The following TOGARAM1 variants were observed in gnomAD, a reference collection of about 807,000 sequenced individuals.
TOGARAM1 encodes TOG array regulator of axonemal microtubules 1, also known as TOG array regulator of axonemal microtubules protein 1.
A neutral mutation model predicts 166.6 loss-of-function variants in TOGARAM1; 100 were observed. That is an observed-to-expected ratio of 0.60 (90% CI 0.51 to 0.71). The LOEUF (loss-of-function observed/expected upper bound fraction) is 0.71. Ranked by LOEUF, TOGARAM1 falls within the 30% of genes least tolerant of loss-of-function variation. The pLI is 0.00. For synonymous variants in TOGARAM1, 758 were observed against 763.8 expected, an observed-to-expected ratio of 0.99 and a Z score of 0.13; for missense variants, 2,029 against 2,102.7, an observed-to-expected ratio of 0.96 and a Z score of 0.69.
chr14:45,012,763 A>G (rs1429727215), intron 7 of TOGARAM1, among the ~76,000 whole-genome samples: 1 of 152,214 alleles, frequency 6.6e-6, no homozygotes. Context: ...GCTTTATATT[A>G]TAATCACCTT....
chr14:45,004,113 A>T lies in TOGARAM1; in HGVS notation c.2391A>T (p.Gln797His), dbSNP rs1887826333. 2 of 1,613,998 alleles carry T rather than the reference A, an allele frequency of 1.2e-6. No individual in the cohort carries two copies. The highest frequency in any genetic ancestry group is 1.3e-5 in the African/African-American group (1 of 74,926). The change falls in exon 4 of 20, where the codon CAA becomes CAT. Residue 797 changes from glutamine (Q) to histidine (H), a missense_variant. Physicochemically the swap from Gln to His is conservative, Grantham distance 24 (BLOSUM62 0). Transcript: ENST00000361462. ...GSKTQQTFGSQTECTSSNGQN... is the reference protein window; with the variant it reads ...GSKTQQTFGSHTECTSSNGQN... ...AGACACAGCAAACATTTGGTAGTCAAACAGAGTGTACTTCCTCAAATGGTC... is the reference window on the plus strand; with the variant it reads ...AGACACAGCAAACATTTGGTAGTCATACAGAGTGTACTTCCTCAAATGGTC...
At chr14:44,989,165 C>T (rs1350529632) in intron 1 of TOGARAM1, among the ~76,000 whole-genome samples, 1 of 152,072 alleles carries the variant, frequency 6.6e-6, no homozygotes, top group Non-Finnish European at 1.5e-5. Context: ...TTTCGATGTC[C>T]ATATCTTATA....
chr14:45,053,948 T>C (rs1023452332), intron 15 of TOGARAM1, among the ~76,000 whole-genome samples: 15 of 152,164 alleles, frequency 9.9e-5, no homozygotes, highest in African/African-American at 3.1e-4. Flanking sequence ...GGCATGATCT[T>C]AGCTCACTGC....
chr14:44,964,451 C>T lies in TOGARAM1; in HGVS notation c.2030C>T (p.Ser677Phe). 1 of 1,586,632 alleles carries T rather than the reference C, an allele frequency of 6.3e-7. No individual in the cohort carries two copies. The highest frequency in any genetic ancestry group is 8.6e-7 in the Non-Finnish European group (1 of 1,166,534). ...ATGGGAGAAAACCAGACCTCCACTT[C>T]CAAGGATATAGAGCAGGTATGCTTC... ...GIMGENQTSTSKDIEQFSTYD... is the reference protein window; with the variant it reads ...GIMGENQTSTFKDIEQFSTYD... Residue 677 changes from serine to phenylalanine, a missense_variant, in exon 1 of 20, where the codon TCC becomes TTC. By Grantham distance (155) the Ser-to-Phe change is radical. Coordinates refer to ENST00000361462, the MANE Select transcript of TOGARAM1 (RefSeq NM_001308120.2).
rs758782619 is a variant in TOGARAM1 at position 44,963,457 on chromosome 14, C to T, written c.1036C>T (p.Leu346Phe). 6.2e-7 allele frequency: 1 copy of T among 1,614,168 alleles called. No homozygotes were observed. Among genetic ancestry groups the T allele is most frequent in the Admixed American group, 1.7e-5 (1 of 60,032 alleles). ...TGCAGTGACTCTTTCCAACAGCAAT[C>T]TTAAATTTGGGATTATTCCTCAGGA... ...PCAVTLSNSN[L>F]KFGIIPQELH... Residue 346 changes from leucine to phenylalanine, a missense_variant, in exon 1 of 20, where the codon CTT (leucine) becomes TTT (phenylalanine). Leu to Phe is a conservative substitution (Grantham distance 22, BLOSUM62 0). Transcript: ENST00000361462.
chr14:44,981,552 A>C (rs1232845351), intron 1 of TOGARAM1, among the ~76,000 whole-genome samples: 1 of 152,174 alleles, frequency 6.6e-6, no homozygotes, highest in Non-Finnish European at 1.5e-5. Context: ...ACAGCCTACT[A>C]CTTGTAAAGT....
intron 11 of TOGARAM1, among the ~76,000 whole-genome samples, chr14:45,035,432 T>C (rs1053118283): frequency 3.3e-5 from 5 of 151,870 alleles, no homozygotes; most frequent in Admixed American, 2.0e-4. Context: ...AATCTGTCAA[T>C]TGTGGGACAA....
At chr14:44,982,752 C>T (rs1886599393) in intron 1 of TOGARAM1, among the ~76,000 whole-genome samples, 2 of 152,186 alleles carry the variant, frequency 1.3e-5, no homozygotes, top group African/African-American at 2.4e-5. Flanking sequence ...AGTTTATAAA[C>T]TACTCTTTAT....
chr14:44,995,945 C>T (rs958266056), intron 2 of TOGARAM1, 43 bp downstream of exon 2: 11 of 1,513,776 alleles, frequency 7.3e-6, no homozygotes, highest in Non-Finnish European at 9.8e-6. Flanking sequence ...AACTAACAGA[C>T]TTCTCTTAAC....
chr14:45,048,708 G>A (rs1382317928), intron 14 of TOGARAM1, among the ~76,000 whole-genome samples: 1 of 152,018 alleles, frequency 6.6e-6, no homozygotes, highest in Non-Finnish European at 1.5e-5. Flanking sequence ...TGGGCGTGGT[G>A]GCTCACACCT....
intron 11 of TOGARAM1, 28 bp downstream of exon 11, chr14:45,032,404 T>C: frequency 1.3e-6 from 2 of 1,581,982 alleles, no homozygotes; most frequent in African/African-American, 1.4e-5. Context: ...AACTTAAAAC[T>C]AAGCAGAGTT....
chr14:45,029,390 A>G (rs1447337438), intron 10 of TOGARAM1, among the ~76,000 whole-genome samples: 1 of 152,166 alleles, frequency 6.6e-6, no homozygotes, highest in Non-Finnish European at 1.5e-5. Context: ...TGGATCAACT[A>G]ATTTTGTGAT....
At chr14:45,037,973 G>A (rs962314821) in intron 11 of TOGARAM1, among the ~76,000 whole-genome samples, 5 of 151,818 alleles carry the variant, frequency 3.3e-5, no homozygotes, top group African/African-American at 7.3e-5. Flanking sequence ...AGCCTAGATC[G>A]GGCCACTGCA....
chr14:45,053,439 A>G (rs2138975572), intron 15 of TOGARAM1, among the ~76,000 whole-genome samples: 2 of 151,878 alleles, frequency 1.3e-5, no homozygotes, highest in Middle Eastern at 6.8e-3. Context: ...TATGAAAAGT[A>G]ATCTATTTAC....
intron 1 of TOGARAM1, among the ~76,000 whole-genome samples, chr14:44,968,472 T>A (rs1405116368): frequency 1.3e-5 from 2 of 152,138 alleles, no homozygotes; most frequent in Non-Finnish European, 2.9e-5. Context: ...ATGGTCTCGA[T>A]CTCCTGACCT....
Position 45,017,816 on chromosome 14 carries a change from C to T in TOGARAM1, c.3238+5741C>T, listed in dbSNP as rs181063973. 2.2e-4 allele frequency among the ~76,000 whole-genome samples: 34 copies of T among 152,210 alleles called. No individual in the cohort carries two copies. In the East Asian group the frequency reaches 6.0e-3, roughly 27 times the overall value. On this transcript the variant is annotated intron_variant, in intron 7 of 19. Coordinates refer to ENST00000361462, the MANE Select transcript of TOGARAM1 (RefSeq NM_001308120.2). ...AGGAGAACTGCTTGAACCCGGGAGG[C>T]GGAGGTTGCAGTGAGCCGAGATGGC...
chr14:44,992,187 G>A (rs1594630433), intron 1 of TOGARAM1, among the ~76,000 whole-genome samples: 1 of 150,760 alleles, frequency 6.6e-6, no homozygotes. Context: ...AATGTAAAGT[G>A]CAAAAATCAG....
Position 45,004,265 on chromosome 14 carries a change from C to G in TOGARAM1, c.2543C>G (p.Ser848Ter). 1 of 1,614,112 alleles carries G rather than the reference C, an allele frequency of 6.2e-7. No individual in the cohort carries two copies. The highest frequency in any genetic ancestry group is 8.5e-7 in the Non-Finnish European group (1 of 1,179,996). ...TCTCAAGATAATTCTGTTAATTTCT[C>G]AAATTCCTGGCCTCTTAAAAGCTTC... ...KKSQDNSVNF[S>*]NSWPLKSFEG... Residue 848 changes from serine to a stop codon, truncating the protein, a stop_gained, in exon 4 of 20, where the codon TCA (serine) becomes TGA (stop). Coordinates refer to ENST00000361462, the MANE Select transcript of TOGARAM1 (RefSeq NM_001308120.2). LOFTEE classifies it high-confidence loss of function.
intron 1 of TOGARAM1, among the ~76,000 whole-genome samples, chr14:44,969,892 C>T (rs1156377891): frequency 6.6e-6 from 1 of 152,148 alleles, no homozygotes; most frequent in Non-Finnish European, 1.5e-5. Flanking sequence ...TTACTCTGCT[C>T]CATTAGTGTG....
Sources: gnomAD v4.1 joint callset for allele counts (sites outside exome capture counted in the v4.1 genomes callset) on GRCh38, gnomAD v4.1.1 for gene constraint, MANE v1.5 for transcripts, NCBI Gene and HGNC (gene_info 2026-07-23, HGNC 2026-07-21) for gene names.